Variants in GALNTL6 observed in about 807,000 individuals in gnomAD.
The protein encoded by GALNTL6 is polypeptide N-acetylgalactosaminyltransferase like 6.
GALNTL6 carries 46 observed loss-of-function variants against 73.7 expected under a neutral mutation model. The ratio of observed to expected loss-of-function variants is 0.62; its 90% CI spans 0.49 to 0.80. The LOEUF (loss-of-function observed/expected upper bound fraction) is 0.80, where lower values mean the gene tolerates loss of function less well. GALNTL6 is among the 30% of genes least tolerant of loss of function. The pLI is 0.00. For missense variants in GALNTL6, 604 were observed against 755.0 expected (o/e 0.80, Z 2.34); for synonymous variants, 259 against 263.7 (o/e 0.98, Z 0.17).
At chr4:172,156,541 A>AG (rs1491437994) in intron 2 of GALNTL6, among the ~76,000 whole-genome samples, 1 of 7,410 alleles carries the variant, frequency 1.3e-4, no homozygotes, top group African/African-American at 2.6e-4. Context: ...TATATATATA[A>AG]TATATATATA....
intron 2 of GALNTL6, among the ~76,000 whole-genome samples, chr4:172,156,726 T>G (rs1463747482): frequency 6.6e-6 from 1 of 151,510 alleles, no homozygotes; most frequent in Non-Finnish European, 1.5e-5. Context: ...CCCTTAAATG[T>G]CATGACTGAT....
intron 5 of GALNTL6, among the ~76,000 whole-genome samples, chr4:172,639,439 G>T (rs1488580644): frequency 6.6e-6 from 1 of 151,688 alleles, no homozygotes; most frequent in African/African-American, 2.4e-5. Context: ...TGTATTTCTC[G>T]TTAAAACCAC....
chr4:172,980,003 C>T (rs2126429335), intron 10 of GALNTL6, among the ~76,000 whole-genome samples: 1 of 152,322 alleles, frequency 6.6e-6, no homozygotes, highest in Middle Eastern at 3.4e-3. Context: ...TAGCTTTTCT[C>T]CTTGTGCATA....
intron 2 of GALNTL6, among the ~76,000 whole-genome samples, chr4:172,118,587 C>T (rs995561934): frequency 1.3e-5 from 2 of 151,938 alleles, no homozygotes; most frequent in Non-Finnish European, 2.9e-5. Flanking sequence ...GTAGTCCCAG[C>T]TACTCAGGAG....
intron 2 of GALNTL6, among the ~76,000 whole-genome samples, chr4:171,967,450 T>TTTTTTTTTG (rs772982016): frequency 2.2e-5 from 3 of 133,364 alleles, no homozygotes; most frequent in Non-Finnish European, 4.6e-5. Flanking sequence ...CCTATGGGTT[T>TTTTTTTTTG]TTTTTTTTTT....
In GALNTL6 at chr4:172,958,862, A is replaced by G. The variant is rs374013293; in HGVS notation, c.1371+6604A>G. 7.9e-5 allele frequency among the ~76,000 whole-genome samples: 12 copies of G among 152,300 alleles called. No homozygotes were observed. The South Asian group carries it at 2.1e-3, about 26-fold the overall frequency. ...AAAGAAAGCATGTTTGAGATCCAGA[A>G]TAGAATAATGGGTTTGTGGAGGGAG... On this transcript the variant is annotated intron_variant, in intron 10 of 12. Coordinates refer to ENST00000506823, the MANE Select transcript of GALNTL6 (RefSeq NM_001034845.3).
chr4:172,206,778 TTTTGTTTTGTTTTGTTTTGTTTTTCTG>T (rs1194913476), intron 2 of GALNTL6, among the ~76,000 whole-genome samples: 4 of 82,472 alleles, frequency 4.9e-5, no homozygotes, highest in Non-Finnish European at 1.1e-4. Flanking sequence ...GAAACGTGTT[TTTTGTTTTGTTTTGTTTTGTTTTTCTG>T]TTTTTTTTGT....
chr4:172,893,242 T>C (rs1746134236), intron 8 of GALNTL6, among the ~76,000 whole-genome samples: 2 of 151,950 alleles, frequency 1.3e-5, no homozygotes, highest in South Asian at 4.1e-4. Context: ...TACTGGCTAA[T>C]AGGCCACACC....
At chr4:172,103,223 C>T (rs1732571762) in intron 2 of GALNTL6, among the ~76,000 whole-genome samples, 1 of 152,142 alleles carries the variant, frequency 6.6e-6, no homozygotes, top group South Asian at 2.1e-4. Flanking sequence ...TGCTGATGAC[C>T]AGGCCTGAAA....
intron 2 of GALNTL6, among the ~76,000 whole-genome samples, chr4:171,832,070 A>G (rs987818756): frequency 6.6e-6 from 1 of 151,356 alleles, no homozygotes; most frequent in African/African-American, 2.4e-5. Context: ...TAAATTTATT[A>G]TATTTTATGT....
At chr4:172,270,039 A>G (rs889198337) in intron 3 of GALNTL6, among the ~76,000 whole-genome samples, 2 of 152,096 alleles carry the variant, frequency 1.3e-5, no homozygotes, top group Admixed American at 6.6e-5. Context: ...CCTAGCCTAC[A>G]TATTTCTCTT....
At chr4:172,243,368 C>G (rs546369595) in intron 3 of GALNTL6, among the ~76,000 whole-genome samples, 3 of 152,132 alleles carry the variant, frequency 2.0e-5, no homozygotes, top group African/African-American at 7.2e-5. Flanking sequence ...AGTTTTCTTT[C>G]TAGCAATATC....
intron 7 of GALNTL6, among the ~76,000 whole-genome samples, chr4:172,831,912 G>A (rs1182412646): frequency 6.6e-6 from 1 of 152,194 alleles, no homozygotes; most frequent in African/African-American, 2.4e-5. Context: ...GAACCGGACT[G>A]TGCTGGCACC....
At chr4:172,496,588 TG>T (rs1734080187) in intron 5 of GALNTL6, among the ~76,000 whole-genome samples, 1 of 151,884 alleles carries the variant, frequency 6.6e-6, no homozygotes, top group South Asian at 2.1e-4. Context: ...GAAGCTGAGG[TG>T]GGGGGATCAC....
At chr4:172,728,664 T>C (rs937932120) in intron 5 of GALNTL6, among the ~76,000 whole-genome samples, 6 of 152,222 alleles carry the variant, frequency 3.9e-5, no homozygotes, top group Non-Finnish European at 7.3e-5. Flanking sequence ...TTGGGTTTTA[T>C]GAATAGTGCT....
At chr4:172,003,284 T>C (rs980179270) in intron 2 of GALNTL6, among the ~76,000 whole-genome samples, 1 of 152,172 alleles carries the variant, frequency 6.6e-6, no homozygotes, top group Non-Finnish European at 1.5e-5. Context: ...ATCAAGATTT[T>C]ATTTCTTTAG....
At chr4:172,557,037 T>C (rs1736172652) in intron 5 of GALNTL6, among the ~76,000 whole-genome samples, 1 of 152,172 alleles carries the variant, frequency 6.6e-6, no homozygotes, top group South Asian at 2.1e-4. Context: ...AACATGAATG[T>C]TCAGTAAGAT....
At chr4:171,972,063 C>G (rs1419043724) in intron 2 of GALNTL6, among the ~76,000 whole-genome samples, 2 of 152,068 alleles carry the variant, frequency 1.3e-5, no homozygotes, top group Non-Finnish European at 1.5e-5. Flanking sequence ...GAAGCAAGAC[C>G]CATTGTGTGA....
intron 2 of GALNTL6, among the ~76,000 whole-genome samples, chr4:172,041,836 T>C (rs572171787): frequency 6.6e-6 from 1 of 152,164 alleles, no homozygotes; most frequent in East Asian, 1.9e-4. Context: ...TCCTTGACTC[T>C]GGTCTAGCCC....
Sources: allele counts gnomAD v4.1 joint callset (sites outside exome capture counted in the v4.1 genomes callset), GRCh38; gene constraint gnomAD v4.1.1; transcripts MANE v1.5; gene names NCBI Gene and HGNC (gene_info 2026-07-23, HGNC 2026-07-21).